UBR2: variants seen among roughly 807,000 people sequenced by gnomAD.
UBR2 encodes the protein E3 ubiquitin-protein ligase UBR2.
A neutral mutation model predicts 247.9 loss-of-function variants in UBR2; 92 were observed. The observed-to-expected ratio is 0.37, with a 90% CI of 0.31 to 0.44. UBR2 has a LOEUF of 0.44. Ranked by LOEUF, UBR2 falls within the 20% of genes least tolerant of loss-of-function variation. The probability of loss-of-function intolerance (pLI) is 1.00; values close to 1 mark genes in which losing one functional copy is unlikely to be tolerated. For synonymous variants in UBR2, 672 were observed against 693.5 expected, an observed-to-expected ratio of 0.97 and a Z score of 0.49; for missense variants, 1,613 against 2,112.6, an observed-to-expected ratio of 0.76 and a Z score of 4.64.
intron 38 of UBR2, among the ~76,000 whole-genome samples, chr6:42,674,681 G>C (rs1355651500): frequency 1.3e-5 from 2 of 151,802 alleles, no homozygotes; most frequent in Non-Finnish European, 2.9e-5. Flanking sequence ...AGAATCACTT[G>C]AACCCAGGAG....
Position 42,659,540 on chromosome 6 carries a change from C to CACACACAA in UBR2, c.3243-109_3243-108insAACACACA. On this transcript the variant is annotated intron_variant, in intron 29 of 46. Transcript: ENST00000372901. This position sits in a 1 kb window ranked among gnomAD's most constrained non-coding sequence, Gnocchi z 4.3. ...ATATATACACACACACACACACACA[C>CACACACAA]ACACACACACACACACACACACTAC... 1.5e-6 allele frequency: 1 copy of CACACACAA among 685,536 alleles called. No individual in the cohort carries two copies. Among genetic ancestry groups the CACACACAA allele is most frequent in the South Asian group, 1.8e-5 (1 of 55,092 alleles). 42.5% of individuals were successfully genotyped at this position (685,536 alleles called of 1,614,324 possible).
At position 42,629,200 on chromosome 6, in the gene UBR2, A is replaced by G. The variant is rs537473648; in HGVS notation, c.1282-3352A>G. On this transcript the variant is annotated intron_variant, in intron 11 of 46. Transcript: ENST00000372901. ...CCCGGGTAATTTTTTAATTTTTAGT[A>G]GAGAGGGGGTTTCGCCATGTTGGCC... Among the ~76,000 whole-genome samples, 22 of 152,072 alleles carry G rather than the reference A, an allele frequency of 1.4e-4. 2 individuals are homozygous for G. The highest frequency in any genetic ancestry group is 2.8e-4 in the Non-Finnish European group (19 of 67,958).
At chr6:42,619,455 T>TATATATGTATATATA (rs56125360) in intron 11 of UBR2, 2 of 36,258 alleles carry the variant, frequency 5.5e-5, no homozygotes, top group African/African-American at 2.1e-4. Flanking sequence ...ATATATATAT[T>TATATATGTATATATA]TTTTTTTTTT....
At chr6:42,625,887 C>T (rs1005516071) in intron 11 of UBR2, among the ~76,000 whole-genome samples, 6 of 150,716 alleles carry the variant, frequency 4.0e-5, no homozygotes, top group African/African-American at 1.5e-4. Flanking sequence ...GATCTCGGCT[C>T]ACTGCATGCT....
chr6:42,571,509 G>A (rs1022234923), intron 1 of UBR2, among the ~76,000 whole-genome samples: 1 of 151,770 alleles, frequency 6.6e-6, no homozygotes, highest in East Asian at 1.9e-4. Context: ...TTGGGAGGCC[G>A]AGGTGGGCAG....
rs758380045 is a variant in UBR2, at chr6:42,658,802, A to G, written c.3220A>G (p.Thr1074Ala). The change falls in exon 29 of 47, where the codon ACC becomes GCC. Residue 1074 changes from threonine (T) to alanine (A), a missense_variant. This residue lies in a region of UBR2 where 1,524 missense variants were observed against 1,967.3 expected (regional missense o/e 0.77). Coordinates refer to ENST00000372901, the MANE Select transcript of UBR2 (RefSeq NM_001363705.2). The part of the protein sequence containing the change: ...FQQTLELDAS[T>A]SAVLDHSPVA... ...GCAGACATTAGAACTGGATGCCTCAACCTCTGCTGTTCTTGATCATAGGTA... is the reference window on the plus strand; with the variant it reads ...GCAGACATTAGAACTGGATGCCTCAGCCTCTGCTGTTCTTGATCATAGGTA... 3.2e-6 allele frequency: 5 copies of G among 1,587,268 alleles called. No homozygotes were observed. The highest frequency in any genetic ancestry group is 4.3e-6 in the Non-Finnish European group (5 of 1,171,630).
chr6:42,684,299 G>A (rs1023161792), intron 43 of UBR2, among the ~76,000 whole-genome samples: 4 of 152,160 alleles, frequency 2.6e-5, no homozygotes, highest in Admixed American at 6.5e-5. Context: ...CTGTCTAGCC[G>A]AGCACATTGG....
chr6:42,681,174 A>G (rs1237877901), intron 42 of UBR2, among the ~76,000 whole-genome samples: 1 of 151,192 alleles, frequency 6.6e-6, no homozygotes, highest in East Asian at 1.9e-4. Flanking sequence ...AAAAAAAAAA[A>G]AAAAAAAAGA....
Position 42,594,278 on chromosome 6 carries a change from A to C in UBR2, c.505A>C (p.Asn169His), listed in dbSNP as rs1562292567. The change falls in exon 4 of 47, where the codon AAC becomes CAC. Residue 169 changes from asparagine to histidine, a missense_variant. Coordinates refer to ENST00000372901, the MANE Select transcript of UBR2 (RefSeq NM_001363705.2). ...TCCTTACTGTCAAAAACATGAACTTAACACCTCTGAAATTGAGGAAGAAGA... is the reference window on the plus strand; with the variant it reads ...TCCTTACTGTCAAAAACATGAACTTCACACCTCTGAAATTGAGGAAGAAGA... ...EGPYCQKHEL[N>H]TSEIEEEEDP... The C allele has an allele frequency of 1.2e-6, 2 of 1,611,376 alleles. No homozygotes were observed. The highest frequency in any genetic ancestry group is 1.1e-5 in the South Asian group (1 of 90,734).
At chr6:42,644,101 T>G in intron 18 of UBR2, 113 bp from the exon 19 acceptor site, 1 of 1,072,512 alleles carries the variant, frequency 9.3e-7, no homozygotes, top group Non-Finnish European at 1.3e-6. Flanking sequence ...CTTTTAGGAT[T>G]GGTAAACTGC....
rs1020915589 is a variant in UBR2, at chr6:42,656,130, C to G, written c.2872+407C>G. Among the ~76,000 whole-genome samples the G allele has an allele frequency of 3.3e-5, 5 of 152,072 alleles. No homozygotes were observed. In the East Asian group the frequency reaches 9.6e-4, roughly 29 times the overall value. On this transcript the variant is annotated intron_variant, in intron 26 of 46. Coordinates refer to ENST00000372901, the MANE Select transcript of UBR2 (RefSeq NM_001363705.2). The stretch of plus-strand genomic sequence containing the variant: ...TCCAGTAAACATTCATATACCTGCT[C>G]CCTAGATTCAGTAGTTTGCTATATT...
chr6:42,614,159 A>G (rs1794267889), intron 8 of UBR2, among the ~76,000 whole-genome samples: 1 of 136,194 alleles, frequency 7.3e-6, no homozygotes, highest in African/African-American at 2.7e-5. Flanking sequence ...CCTGGGTGAC[A>G]GAGTAAGACT....
chr6:42,614,415 C>CATACATACATACGTATATATGTAT (rs1491517686), intron 8 of UBR2, among the ~76,000 whole-genome samples: 9 of 89,184 alleles, frequency 1.0e-4, no homozygotes, highest in Admixed American at 2.2e-4. Flanking sequence ...TATGTATGTA[C>CATACATACATACGTATATATGTAT]GTACGTACAT....
At chr6:42,658,209 A>T (rs747820872) in intron 27 of UBR2, 31 bp from the exon 28 acceptor site, 2 of 1,610,364 alleles carry the variant, frequency 1.2e-6, no homozygotes, top group Non-Finnish European at 8.5e-7. Context: ...ATCATATTTC[A>T]TACAGGATAC....
intron 2 of UBR2, among the ~76,000 whole-genome samples, chr6:42,579,008 G>T (rs1470837868): frequency 6.6e-6 from 1 of 151,004 alleles, no homozygotes; most frequent in Non-Finnish European, 1.5e-5. Context: ...CAAACTTGAA[G>T]TCTTGATCTC....
rs1421915689 is a variant in UBR2, at chr6:42,692,713, A to G, written c.*1540A>G. The G allele has an allele frequency of 1.3e-5, 2 of 152,206 alleles. No homozygotes were observed. Among genetic ancestry groups the G allele is most frequent in the Admixed American group, 6.5e-5 (1 of 15,276 alleles). 9.4% of individuals were successfully genotyped at this position (152,206 alleles called of 1,614,324 possible). On this transcript the variant is annotated 3_prime_UTR_variant, in exon 47 of 47. Transcript: ENST00000372901. ...GCATGCTCCACAGTATCACAGGAAG[A>G]AGGTCAGAAATCTGGAACTGAAGCT...
chr6:42,577,583 G>T (rs115491930), intron 2 of UBR2, among the ~76,000 whole-genome samples: 3 of 152,028 alleles, frequency 2.0e-5, no homozygotes, highest in African/African-American at 7.3e-5. Flanking sequence ...TGTTGATTTT[G>T]ATAATTGTAT....
intron 42 of UBR2, among the ~76,000 whole-genome samples, chr6:42,680,791 G>A (rs538610916): frequency 3.9e-5 from 6 of 152,236 alleles, no homozygotes; most frequent in South Asian, 2.1e-4. Flanking sequence ...AGAATAGGCC[G>A]GGCACAGTGG....
chr6:42,666,111 A>G, intron 33 of UBR2, 56 bp from the exon 34 acceptor site: 2 of 1,462,890 alleles, frequency 1.4e-6, no homozygotes, highest in South Asian at 2.5e-5. Context: ...ATATGGCTGT[A>G]CTTTTAGGAA....
Sources: gnomAD v4.1 joint callset for allele counts (sites outside exome capture counted in the v4.1 genomes callset) on GRCh38, gnomAD v4.1.1 for gene constraint, gnomAD v4.1.1 regional missense constraint, Gnocchi (gnomAD v3.1) non-coding constraint, MANE v1.5 for transcripts, NCBI Gene and HGNC (gene_info 2026-07-23, HGNC 2026-07-21) for gene names.